AUH: variants seen among roughly 807,000 people sequenced by gnomAD.
The protein encoded by AUH is methylglutaconyl-CoA hydratase, mitochondrial.
In AUH, 29 loss-of-function variants were observed where a neutral mutation model predicts 42.3. The observed-to-expected ratio is 0.69, with a 90% confidence interval of 0.51 to 0.93. The LOEUF is 0.93. AUH is among the 40% of genes least tolerant of loss of function. The pLI is 0.00. For missense variants in AUH, 452 were observed against 438.1 expected (o/e 1.03, Z -0.28); for synonymous variants, 174 against 166.4 (o/e 1.05, Z -0.35).
chr9:91,343,052 T>C (rs1831224089), intron 3 of AUH: 1 of 152,218 alleles, frequency 6.6e-6, no homozygotes, highest in Non-Finnish European at 1.5e-5. Context: ...ACATATAACA[T>C]ACAAAATGTT....
intron 6 of AUH, among the ~76,000 whole-genome samples, chr9:91,238,820 T>C (rs1395710443): frequency 6.6e-6 from 1 of 152,168 alleles, no homozygotes; most frequent in Non-Finnish European, 1.5e-5. Context: ...AGAAGTAAAA[T>C]GTTTAAAATA....
chr9:91,319,654 G>C (rs549064332), intron 4 of AUH, among the ~76,000 whole-genome samples: 3 of 152,170 alleles, frequency 2.0e-5, no homozygotes, highest in African/African-American at 7.2e-5. Context: ...CTAGGAACAC[G>C]GGGCTGCAAA....
intron 3 of AUH, among the ~76,000 whole-genome samples, chr9:91,335,950 G>A (rs570098561): frequency 4.6e-5 from 7 of 152,236 alleles, no homozygotes; most frequent in African/African-American, 1.4e-4. Flanking sequence ...TGCCTGAAAC[G>A]AATGCCTAGC....
At chr9:91,359,324 A>AC (rs1832676316) in intron 1 of AUH, among the ~76,000 whole-genome samples, 1 of 152,246 alleles carries the variant, frequency 6.6e-6, no homozygotes, top group African/African-American at 2.4e-5. Flanking sequence ...GTTACATGTA[A>AC]TGTAACCTTC....
intron 6 of AUH, among the ~76,000 whole-genome samples, chr9:91,230,547 C>T (rs1055054598): frequency 6.6e-6 from 1 of 152,220 alleles, no homozygotes; most frequent in African/African-American, 2.4e-5. Context: ...GCCTTCTTCT[C>T]TCAGCTCGTC....
At chr9:91,232,882 T>C (rs1357187925) in intron 6 of AUH, among the ~76,000 whole-genome samples, 1 of 152,190 alleles carries the variant, frequency 6.6e-6, no homozygotes, top group African/African-American at 2.4e-5. Flanking sequence ...GAGAGATAAT[T>C]CTCTTAAATT....
chr9:91,277,600 T>G (rs1192518188), intron 6 of AUH, among the ~76,000 whole-genome samples: 1 of 152,178 alleles, frequency 6.6e-6, no homozygotes, highest in Non-Finnish European at 1.5e-5. Context: ...TATGTATGTA[T>G]GTATGAATAT....
At chr9:91,350,044 A>T (rs1256449135) in intron 3 of AUH, among the ~76,000 whole-genome samples, 1 of 152,232 alleles carries the variant, frequency 6.6e-6, no homozygotes. Context: ...ACAATATATT[A>T]AAATTTGGGG....
chr9:91,271,214 C>G (rs1825096174), intron 6 of AUH, among the ~76,000 whole-genome samples: 1 of 152,148 alleles, frequency 6.6e-6, no homozygotes, highest in African/African-American at 2.4e-5. Flanking sequence ...GAACTTAGAG[C>G]AGCATTCATC....
At chr9:91,312,590 G>C (rs1828785394) in intron 4 of AUH, among the ~76,000 whole-genome samples, 1 of 152,202 alleles carries the variant, frequency 6.6e-6, no homozygotes, top group African/African-American at 2.4e-5. Context: ...AGCCGGCGTG[G>C]TGGCTCACGC....
intron 3 of AUH, among the ~76,000 whole-genome samples, chr9:91,328,849 T>C (rs745704222): frequency 2.0e-5 from 3 of 152,146 alleles, no homozygotes; most frequent in Non-Finnish European, 2.9e-5. Context: ...ATTTACAGAG[T>C]TGTACAACCA....
At position 91,297,970 on chromosome 9, in the gene AUH, G is replaced by A; in HGVS notation, c.598+14C>T. The A allele has an allele frequency of 6.4e-7, 1 of 1,567,732 alleles. No homozygotes were observed. The highest frequency in any genetic ancestry group is 8.8e-7 in the Non-Finnish European group (1 of 1,138,026). The stretch of plus-strand genomic sequence containing the variant: ...ACTTTTTTAAATTATGTTTTTAACA[G>A]GATTAATTCTTACCTGCTACTCGTA... On this transcript the variant is annotated intron_variant, in intron 5 of 9. Transcript: ENST00000375731.
At chr9:91,261,856 C>T (rs1042079536) in intron 6 of AUH, among the ~76,000 whole-genome samples, 4 of 152,152 alleles carry the variant, frequency 2.6e-5, no homozygotes, top group Non-Finnish European at 4.4e-5. Flanking sequence ...TAGAAAGACA[C>T]ATTTGGTCTC....
chr9:91,360,698 C>T (rs1459577987), intron 1 of AUH, among the ~76,000 whole-genome samples: 4 of 152,216 alleles, frequency 2.6e-5, no homozygotes, highest in Admixed American at 1.3e-4. Flanking sequence ...TTTCCTCTTA[C>T]CATGCCTTGA....
At chr9:91,273,838 C>T (rs1486422681) in intron 6 of AUH, among the ~76,000 whole-genome samples, 1 of 152,176 alleles carries the variant, frequency 6.6e-6, no homozygotes. Context: ...AGCTCTTTGA[C>T]GAACAATTTT....
intron 6 of AUH, among the ~76,000 whole-genome samples, chr9:91,241,843 C>A (rs945907381): frequency 6.6e-6 from 1 of 152,140 alleles, no homozygotes; most frequent in African/African-American, 2.4e-5. Context: ...TATTTCCTAG[C>A]CCAACTGGAC....
At chr9:91,287,216 A>G (rs977568270) in intron 6 of AUH, among the ~76,000 whole-genome samples, 1 of 152,170 alleles carries the variant, frequency 6.6e-6, no homozygotes, top group Non-Finnish European at 1.5e-5. Flanking sequence ...ATTCTTGCCA[A>G]AAATGAATAA....
chr9:91,361,781 G>T lies in AUH; in HGVS notation c.109C>A (p.Pro37Thr). 1.9e-6 allele frequency: 3 copies of T among 1,543,650 alleles called. No homozygotes were observed. In the South Asian group the frequency reaches 3.6e-5, roughly 19 times the overall value. Residue 37 changes from proline (P) to threonine (T), a missense_variant, in exon 1 of 10, where the codon CCC becomes ACC. Transcript: ENST00000375731. ...SAWLCPGLRL[P>T]GSLAGRRAGP... ...GCTCGCCGGCCTGCCAACGAGCCGG[G>T]CAGCCTCAACCCCGGGCAGAGCCAC... is the stretch of plus-strand genomic sequence containing the variant.
intron 7 of AUH, 135 bp from the exon 8 acceptor site, chr9:91,217,462 A>T (rs1826890332): frequency 1.1e-6 from 1 of 888,268 alleles, no homozygotes; most frequent in East Asian, 2.6e-5. Context: ...TAGATGGAAA[A>T]TTTTCTGAGC....
Sources: allele counts gnomAD v4.1 joint callset (sites outside exome capture counted in the v4.1 genomes callset), GRCh38; gene constraint gnomAD v4.1.1; transcripts MANE v1.5; gene names NCBI Gene and HGNC (gene_info 2026-07-23, HGNC 2026-07-21).